CDKAL1: variants seen among roughly 807,000 people sequenced by gnomAD.
CDKAL1 encodes CDKAL1 threonylcarbamoyladenosine tRNA methylthiotransferase, also known as threonylcarbamoyladenosine tRNA methylthiotransferase.
In CDKAL1, 32 loss-of-function variants were observed where a neutral mutation model predicts 68.2. The observed-to-expected ratio is 0.47, with a 90% CI of 0.35 to 0.63. The LOEUF (loss-of-function observed/expected upper bound fraction) is 0.63, where lower values mean the gene tolerates loss of function less well. Ranked by LOEUF, CDKAL1 falls within the 30% of genes least tolerant of loss-of-function variation. The pLI, the probability that CDKAL1 is intolerant of heterozygous loss-of-function variation, is 0.00. For synonymous variants in CDKAL1, 234 were observed against 244.3 expected, an observed-to-expected ratio of 0.96 and a Z score of 0.39; for missense variants, 606 against 696.7, an observed-to-expected ratio of 0.87 and a Z score of 1.47.
chr6:20,537,600 C>CT (rs1401343434), intron 2 of CDKAL1, among the ~76,000 whole-genome samples: 1 of 138,910 alleles, frequency 7.2e-6, no homozygotes, highest in Non-Finnish European at 1.5e-5. Flanking sequence ...GAGTGAAACT[C>CT]TGTCTCATAA....
intron 5 of CDKAL1, among the ~76,000 whole-genome samples, chr6:20,735,702 A>G (rs1459435031): frequency 6.6e-6 from 1 of 152,132 alleles, no homozygotes; most frequent in Non-Finnish European, 1.5e-5. Flanking sequence ...ATTTCATGTC[A>G]CGAGAACATT....
intron 3 of CDKAL1, among the ~76,000 whole-genome samples, chr6:20,547,328 T>C (rs1763647257): frequency 1.3e-5 from 2 of 152,330 alleles, no homozygotes; most frequent in Admixed American, 1.3e-4. Flanking sequence ...GTAGTTGATA[T>C]GTAAGTCTGT....
At chr6:20,727,853 G>A (rs942835717) in intron 5 of CDKAL1, among the ~76,000 whole-genome samples, 5 of 152,176 alleles carry the variant, frequency 3.3e-5, no homozygotes, top group Admixed American at 2.0e-4. Flanking sequence ...TATAAGGGCC[G>A]TATTTGGACC....
chr6:20,886,389 A>G (rs983007113), intron 9 of CDKAL1, among the ~76,000 whole-genome samples: 1 of 152,188 alleles, frequency 6.6e-6, no homozygotes, highest in African/African-American at 2.4e-5. Flanking sequence ...TCTCCTAGGT[A>G]TATGCTCCAA....
chr6:21,192,684 AG>A (rs1221170044), intron 13 of CDKAL1, among the ~76,000 whole-genome samples: 2 of 152,104 alleles, frequency 1.3e-5, no homozygotes, highest in Non-Finnish European at 2.9e-5. Flanking sequence ...TTTAACCTCT[AG>A]CATGTTACAG....
At chr6:20,802,329 A>G (rs1776404415) in intron 8 of CDKAL1, among the ~76,000 whole-genome samples, 1 of 150,352 alleles carries the variant, frequency 6.7e-6, no homozygotes, top group Non-Finnish European at 1.5e-5. Flanking sequence ...AATAATAATA[A>G]TAATAATAAT....
At chr6:21,012,945 G>A (rs1768104166) in intron 11 of CDKAL1, among the ~76,000 whole-genome samples, 1 of 152,116 alleles carries the variant, frequency 6.6e-6, no homozygotes, top group Non-Finnish European at 1.5e-5. Context: ...TCTGTTTCTT[G>A]TCAGTTCCAT....
At chr6:21,184,437 A>C (rs112485340) in intron 13 of CDKAL1, among the ~76,000 whole-genome samples, 18,333 of 151,336 alleles carry the variant, frequency 0.12, 1,333 homozygotes, top group Non-Finnish European at 0.16. Flanking sequence ...TCAAGTGATC[A>C]ACCCACCTCG....
At chr6:20,600,037 G>A (rs1388083928) in intron 4 of CDKAL1, among the ~76,000 whole-genome samples, 4 of 152,110 alleles carry the variant, frequency 2.6e-5, no homozygotes, top group Non-Finnish European at 4.4e-5. Flanking sequence ...TGAATATCAT[G>A]CTTGGTACTT....
Position 21,108,378 on chromosome 6 carries a change from GTTTTT to G in CDKAL1, c.1237-19_1237-15del. The G allele has an allele frequency of 6.4e-7, 1 of 1,557,820 alleles. No individual in the cohort carries two copies. Among genetic ancestry groups the G allele is most frequent in the Non-Finnish European group, 8.7e-7 (1 of 1,143,188 alleles). On this transcript the variant is annotated intron_variant, in intron 12 of 15. Coordinates refer to ENST00000274695, the MANE Select transcript of CDKAL1 (RefSeq NM_017774.3). ...TCAATTGTTTGTATGTTGGTTTTTT[GTTTTT>G]TTTGTTTTTTTTCACAGAAAAAGCA...
intron 13 of CDKAL1, among the ~76,000 whole-genome samples, chr6:21,149,145 C>CT (rs751130086): frequency 0.011 from 1,658 of 146,566 alleles, 23 homozygotes; most frequent in African/African-American, 0.03. Flanking sequence ...CTTCAAAAAA[C>CT]TTTTTTTTTT....
chr6:21,191,409 TTATGTAACTTAC>T (rs1778231577), intron 13 of CDKAL1, among the ~76,000 whole-genome samples: 1 of 152,224 alleles, frequency 6.6e-6, no homozygotes, highest in Non-Finnish European at 1.5e-5. Flanking sequence ...AGCTAGCTGA[TTATGTAACTTAC>T]TGAAAAATCT....
At chr6:20,689,045 C>T (rs1770755441) in intron 5 of CDKAL1, among the ~76,000 whole-genome samples, 1 of 152,160 alleles carries the variant, frequency 6.6e-6, no homozygotes, top group African/African-American at 2.4e-5. Flanking sequence ...TTGTTTTCAC[C>T]CAGGTCATTT....
intron 11 of CDKAL1, among the ~76,000 whole-genome samples, chr6:21,031,363 A>G (rs1266288584): frequency 6.6e-6 from 1 of 151,398 alleles, no homozygotes; most frequent in Non-Finnish European, 1.5e-5. Context: ...TGCTTTTATT[A>G]AAGGGTTCAC....
chr6:20,901,471 A>G (rs990780563), intron 9 of CDKAL1, among the ~76,000 whole-genome samples: 14 of 151,542 alleles, frequency 9.2e-5, no homozygotes, highest in Non-Finnish European at 1.5e-4. Flanking sequence ...TCAGGAGATC[A>G]AGACCATCCT....
At chr6:21,015,783 C>T (rs1768291879) in intron 11 of CDKAL1, among the ~76,000 whole-genome samples, 1 of 151,778 alleles carries the variant, frequency 6.6e-6, no homozygotes, top group South Asian at 2.1e-4. Context: ...AAAAATTAGC[C>T]AGGCGTGATG....
intron 9 of CDKAL1, among the ~76,000 whole-genome samples, chr6:20,871,974 A>G (rs1042667200): frequency 2.0e-5 from 3 of 152,270 alleles, no homozygotes; most frequent in African/African-American, 7.2e-5. Context: ...ATTTGGCCCA[A>G]TCTTGAGTAG....
At chr6:20,892,910 C>G (rs539111907) in intron 9 of CDKAL1, among the ~76,000 whole-genome samples, 1 of 152,162 alleles carries the variant, frequency 6.6e-6, no homozygotes, top group African/African-American at 2.4e-5. Flanking sequence ...ATGAAAACCT[C>G]CTGGTCTTTC....
intron 8 of CDKAL1, among the ~76,000 whole-genome samples, chr6:20,798,923 A>G (rs1325968314): frequency 8.2e-6 from 1 of 121,368 alleles, no homozygotes; most frequent in African/African-American, 3.2e-5. Flanking sequence ...AATACAAAAA[A>G]AAAAAAAAAA....
Sources: gnomAD v4.1 joint callset for allele counts (sites outside exome capture counted in the v4.1 genomes callset) on GRCh38, gnomAD v4.1.1 for gene constraint, MANE v1.5 for transcripts, NCBI Gene and HGNC (gene_info 2026-07-23, HGNC 2026-07-21) for gene names.